Variants in SACS observed in about 807,000 individuals in gnomAD.
SACS encodes sacsin molecular chaperone.
Under a neutral mutation model 348.0 loss-of-function variants are expected in SACS, and 197 were observed. The observed-to-expected ratio is 0.57, with a 90% CI of 0.50 to 0.64. SACS has a LOEUF of 0.64. Among genes scored for constraint, SACS ranks in the 30% least tolerant of loss-of-function variants. SACS has a pLI of 0.00. For synonymous variants in SACS, 1,985 were observed against 1,910.6 expected (o/e 1.04, Z -1.02); for missense variants, 4,999 against 5,360.8 (o/e 0.93, Z 2.11).
rs747612620 is a variant in SACS, at chr13:23,341,129, T to G, written c.2747A>C (p.Lys916Thr). 6.2e-7 allele frequency: 1 copy of G among 1,613,408 alleles called. No homozygotes were observed. Among genetic ancestry groups the G allele is most frequent in the South Asian group, 1.1e-5 (1 of 91,062 alleles). ...CAATTCTTGAATAATTCTTTTCTCT[T>G]TCTCACTGCTATCGGTTAAACTAGC... ...FLASLTDSSE[K>T]EKRIIQELAI... Residue 916 changes from lysine to threonine, a missense_variant, in exon 10 of 10, where the codon AAA becomes ACA. By Grantham distance (78) the Lys-to-Thr change is moderately conservative (BLOSUM62 -1). Around this residue, in one of 6 missense-constraint regions of SACS, gnomAD observed 3,156 missense variants for 3,380.1 expected, o/e 0.93. Transcript: ENST00000382292.
chr13:23,353,345 A>G (rs1191696883), intron 9 of SACS, among the ~76,000 whole-genome samples: 1 of 152,192 alleles, frequency 6.6e-6, no homozygotes, highest in Non-Finnish European at 1.5e-5. Context: ...TCAGAAATAG[A>G]GCAAGGACAG....
chr13:23,355,673 C>A lies in SACS; in HGVS notation c.939G>T (p.Val313=), dbSNP rs1196445565. Residue 313 remains valine (V), a synonymous_variant, in exon 8 of 10, where the codon GTG becomes GTT. Coordinates refer to ENST00000382292, the MANE Select transcript of SACS (RefSeq NM_014363.6). ...CTCGGACATATAAGGAAACATCCTG[C>A]ACACTTTTCAGAAAGAGCAGCACTG... ...ADTVLLFLKS[V]QDVSLYVREA... 3.7e-6 allele frequency: 6 copies of A among 1,614,064 alleles called. No individual in the cohort carries two copies. The highest frequency in any genetic ancestry group is 5.1e-6 in the Non-Finnish European group (6 of 1,180,054).
Position 23,334,363 on chromosome 13 carries a change from G to A in SACS, c.9513C>T (p.Pro3171=). 3 of 1,612,368 alleles carry A rather than the reference G, an allele frequency of 1.9e-6. No homozygotes were observed. The East Asian group carries it at 6.7e-5, about 36-fold the overall frequency. The part of the protein sequence containing the change: ...SVLQTFDAKR[P]KFLTTYHELI... Reference sequence around the variant, plus strand: ...ATTCATGATATGTTGTTAGAAACTTGGGTCGTTTTGCATCAAAAGTTTGCA... The same window carrying A: ...ATTCATGATATGTTGTTAGAAACTTAGGTCGTTTTGCATCAAAAGTTTGCA... The change falls in exon 10 of 10, where the codon CCC becomes CCT. Residue 3171 remains proline (P), a synonymous_variant. Transcript: ENST00000382292.
chr13:23,340,129 C>T lies in SACS; in HGVS notation c.3747G>A (p.Gln1249=). The part of the protein sequence containing the change: ...TFSDEDYYQF[Q]HILLEIYGFM... ...ATCCGTAAATCTCAAGCAAAATATG[C>T]TGGAATTGATAGTAGTCTTCATCAC... Residue 1249 remains glutamine (Q), a synonymous_variant, in exon 10 of 10, where the codon CAG becomes CAA. Transcript: ENST00000382292. The T allele has an allele frequency of 6.2e-7, 1 of 1,613,590 alleles. No individual in the cohort carries two copies. The highest frequency in any genetic ancestry group is 8.5e-7 in the Non-Finnish European group (1 of 1,179,822).
chr13:23,371,218 TAA>T, intron 3 of SACS, 53 bp from the exon 4 acceptor site: 4 of 1,090,606 alleles, frequency 3.7e-6, no homozygotes, highest in Non-Finnish European at 5.3e-6. Flanking sequence ...TCTAATACTG[TAA>T]ATTCAAGACA....
In SACS at chr13:23,334,348, T is replaced by C. The variant is rs1390032913; in HGVS notation, c.9528A>G (p.Thr3176=). The stretch of plus-strand genomic sequence containing the variant: ...TGCGGGATGGAATCAATTCATGATA[T>C]GTTGTTAGAAACTTGGGTCGTTTTG... ...FDAKRPKFLT[T]YHELIPSRKD... Residue 3176 remains threonine (T), a synonymous_variant, in exon 10 of 10, where the codon ACA becomes ACG. Coordinates refer to ENST00000382292, the MANE Select transcript of SACS (RefSeq NM_014363.6). The C allele has an allele frequency of 6.2e-6, 10 of 1,612,430 alleles. No homozygotes were observed. The South Asian group carries it at 6.6e-5, about 11-fold the overall frequency.
Position 23,375,178 on chromosome 13 carries a change from T to C in SACS, c.112A>G (p.Ile38Val). 2.0e-6 allele frequency: 3 copies of C among 1,505,834 alleles called. No homozygotes were observed. The highest frequency in any genetic ancestry group is 2.7e-6 in the Non-Finnish European group (3 of 1,127,542). The allele number at this position is 1,505,834 out of a possible 1,614,324, so 93.3% of individuals were successfully genotyped here. Residue 38 changes from isoleucine to valine, a missense_variant, in exon 3 of 10, where the codon ATC becomes GTC. Physicochemically the swap from Ile to Val is conservative, Grantham distance 29. Coordinates refer to ENST00000382292, the MANE Select transcript of SACS (RefSeq NM_014363.6). ...ACCGGGAAGCCAGTCTCCGCGAAGA[T>C]ACGTTCCTTCACATCGCGCACGGTC... ...SWTVRDVKER[I>V]FAETGFPVSE...
chr13:23,364,290 G>A (rs1295130039), intron 6 of SACS, among the ~76,000 whole-genome samples: 1 of 152,162 alleles, frequency 6.6e-6, no homozygotes, highest in Non-Finnish European at 1.5e-5. Flanking sequence ...GTAACTTTCT[G>A]TCACATACAG....
In SACS at chr13:23,334,793, T is replaced by G; in HGVS notation, c.9083A>C (p.Asp3028Ala). 6.2e-7 allele frequency: 1 copy of G among 1,613,776 alleles called. No individual in the cohort carries two copies. Residue 3028 changes from aspartate to alanine, a missense_variant, in exon 10 of 10, where the codon GAC (aspartate) becomes GCC (alanine). By Grantham distance (126) the Asp-to-Ala change is moderately radical. This residue lies in a region of SACS where 734 missense variants were observed against 694.0 expected (regional missense o/e 1.06). Coordinates refer to ENST00000382292, the MANE Select transcript of SACS (RefSeq NM_014363.6). ...STSNKTRPFF[D>A]NLLQDELQHL... Reference sequence around the variant, plus strand: ...TTGTAATTCATCCTGTAGTAAATTGTCAAAAAATGGTCTAGTTTTATTAGA... The same window carrying G: ...TTGTAATTCATCCTGTAGTAAATTGGCAAAAAATGGTCTAGTTTTATTAGA...
chr13:23,351,434 G>A (rs1199733524), intron 9 of SACS, among the ~76,000 whole-genome samples: 1 of 152,086 alleles, frequency 6.6e-6, no homozygotes, highest in African/African-American at 2.4e-5. Flanking sequence ...GTGTTCTCGT[G>A]GTAGCGAATA....
Position 23,338,964 on chromosome 13 carries a change from T to C in SACS, c.4912A>G (p.Ser1638Gly), listed in dbSNP as rs1336802162. The C allele has an allele frequency of 1.2e-6, 2 of 1,613,844 alleles. No individual in the cohort carries two copies. Among genetic ancestry groups the C allele is most frequent in the Admixed American group, 3.3e-5 (2 of 59,992 alleles). ...AGTCGGAAAAGGGTTCCATTATAGC[T>C]GTAAGGTGCTTCTACAGTCAAAGGT... ...QLPLTVEAPY[S>G]YNGTLFRLSF... is the part of the protein sequence containing the mutation. The change falls in exon 10 of 10, where the codon AGC becomes GGC. Residue 1638 changes from serine to glycine, a missense_variant. Ser to Gly is a moderately conservative substitution (Grantham distance 56, BLOSUM62 0). This residue lies in a region of SACS where 3,156 missense variants were observed against 3,380.1 expected (regional missense o/e 0.93). Coordinates refer to ENST00000382292, the MANE Select transcript of SACS (RefSeq NM_014363.6).
rs769202221 is a variant in SACS at position 23,331,472 on chromosome 13, T to C, written c.12404A>G (p.Lys4135Arg). ...ATATTTCACTCCTAAACTGTCAAGT[T>C]TCTCACCAATCCTGTAAATATCATT... ...GCNDIYRIGE[K>R]LDSLGVKYDS... The change falls in exon 10 of 10, where the codon AAA becomes AGA. Residue 4135 changes from lysine to arginine, a missense_variant. Around this residue, in one of 6 missense-constraint regions of SACS, gnomAD observed 831 missense variants for 941.8 expected, o/e 0.88. Transcript: ENST00000382292. 8 of 1,613,962 alleles carry C rather than the reference T, an allele frequency of 5.0e-6. No individual in the cohort carries two copies. Among genetic ancestry groups the C allele is most frequent in the Middle Eastern group, 1.6e-4 (1 of 6,084 alleles).
chr13:23,370,712 G>A lies in SACS; in HGVS notation c.259+366C>T, dbSNP rs535503472. 4.2e-4 allele frequency among the ~76,000 whole-genome samples: 64 copies of A among 152,178 alleles called. No individual in the cohort carries two copies. In the South Asian group the frequency reaches 8.9e-3, roughly 21 times the overall value. The stretch of plus-strand genomic sequence containing the variant: ...GAGCGGTGGCTCACGCCTGTAATCC[G>A]AACACTTTGGGAGGCCAAAGACGGT... On this transcript the variant is annotated intron_variant, in intron 4 of 9. Coordinates refer to ENST00000382292, the MANE Select transcript of SACS (RefSeq NM_014363.6).
At chr13:23,352,756 C>CT (rs1460686649) in intron 9 of SACS, among the ~76,000 whole-genome samples, 3 of 152,138 alleles carry the variant, frequency 2.0e-5, no homozygotes, top group Non-Finnish European at 4.4e-5. Flanking sequence ...AAATGAGTAA[C>CT]TCAGACGTTT....
Position 23,329,153 on chromosome 13 carries a change from C to T in SACS, c.*983G>A, listed in dbSNP as rs963319410. 2.6e-5 allele frequency: 9 copies of T among 350,334 alleles called. No homozygotes were observed. Among genetic ancestry groups the T allele is most frequent in the South Asian group, 7.3e-5 (1 of 13,706 alleles). 21.7% of individuals were successfully genotyped at this position (350,334 alleles called of 1,614,324 possible). On this transcript the variant is annotated 3_prime_UTR_variant, in exon 10 of 10. Transcript: ENST00000382292. ...TGATCATTCATGGGGAAATATAAGC[C>T]GATAATTATAAACTACTAGATAACA... is the stretch of plus-strand genomic sequence containing the variant.
intron 1 of SACS, among the ~76,000 whole-genome samples, chr13:23,432,166 G>C (rs545432737): frequency 6.6e-6 from 1 of 152,218 alleles, no homozygotes; most frequent in Non-Finnish European, 1.5e-5. Flanking sequence ...CAAGTCCTGC[G>C]TAAAGCAATG....
intron 2 of SACS, among the ~76,000 whole-genome samples, chr13:23,399,988 C>T (rs563824512): frequency 1.8e-4 from 28 of 152,328 alleles, no homozygotes; most frequent in Non-Finnish European, 4.0e-4. Context: ...TGACTGCTAT[C>T]GGCCAGGGGT....
intron 2 of SACS, among the ~76,000 whole-genome samples, chr13:23,376,136 ATG>A (rs1453882627): frequency 6.6e-6 from 1 of 152,170 alleles, no homozygotes; most frequent in Non-Finnish European, 1.5e-5. Flanking sequence ...ATGCACATAA[ATG>A]TATCCTATGA....
chr13:23,382,538 T>C (rs564807601), intron 2 of SACS, among the ~76,000 whole-genome samples: 6 of 152,334 alleles, frequency 3.9e-5, no homozygotes, highest in South Asian at 4.1e-4. Context: ...TCATTAATTA[T>C]AAAAATGGAT....
Sources: allele counts gnomAD v4.1 joint callset (sites outside exome capture counted in the v4.1 genomes callset), GRCh38; gene constraint gnomAD v4.1.1; regional missense constraint gnomAD v4.1.1; transcripts MANE v1.5; gene names NCBI Gene and HGNC (gene_info 2026-07-23, HGNC 2026-07-21).